Variants in PDE4D observed in about 807,000 individuals in gnomAD.
PDE4D encodes the protein 3',5'-cyclic-AMP phosphodiesterase 4D.
PDE4D carries 24 observed loss-of-function variants against 87.4 expected under a neutral mutation model. The observed-to-expected ratio is 0.27, with a 90% CI of 0.20 to 0.39. PDE4D has a LOEUF of 0.39. Among genes scored for constraint, PDE4D ranks in the 10% least tolerant of loss-of-function variants. The pLI is 1.00. For missense variants in PDE4D, 714 were observed against 1,041.0 expected, an observed-to-expected ratio of 0.69 and a Z score of 4.32; for synonymous variants, 384 against 383.2, an observed-to-expected ratio of 1.00 and a Z score of -0.02.
chr5:59,135,334 C>G (rs1776887219), intron 5 of PDE4D, among the ~76,000 whole-genome samples: 1 of 152,202 alleles, frequency 6.6e-6, no homozygotes, highest in Non-Finnish European at 1.5e-5. Flanking sequence ...GTAGCAAAAG[C>G]TGTTTTCTCT....
At position 59,800,838 on chromosome 5, in the gene PDE4D, C is replaced by G. The variant is rs565691048; in HGVS notation, c.455+92330G>C. Among the ~76,000 whole-genome samples, 7 of 152,260 alleles carry G rather than the reference C, an allele frequency of 4.6e-5. No individual in the cohort carries two copies. The South Asian group carries it at 8.3e-4, about 18-fold the overall frequency. On this transcript the variant is annotated intron_variant, in intron 1 of 14. Coordinates refer to ENST00000340635, the MANE Select transcript of PDE4D (RefSeq NM_001104631.2). ...ATATGTAAATTGTTGCTCTTCCAGT[C>G]TCCCTGGGTTTAGGGGAAAATAGAA...
chr5:59,900,617 T>C (rs202010623), intron 3 of PDE4D, among the ~76,000 whole-genome samples: 6 of 152,326 alleles, frequency 3.9e-5, no homozygotes, highest in East Asian at 3.9e-4. Context: ...GAAGATGTCA[T>C]AGAACTTTCA....
intron 1 of PDE4D, among the ~76,000 whole-genome samples, chr5:60,353,476 G>A (rs138933019): frequency 6.6e-5 from 10 of 152,346 alleles, no homozygotes; most frequent in African/African-American, 2.4e-4. Flanking sequence ...CTGCATGGTA[G>A]ATGAAATAGC....
In PDE4D at chr5:60,200,026, C is replaced by T. The variant is rs111355699; in HGVS notation, c.-89-14339G>A. On this transcript the variant is annotated intron_variant, in intron 1 of 16. Coordinates refer to the PDE4D transcript ENST00000502484. ...GACAGACACCAAATCATCCCAAGAGCACTCAATTGGAAAATGGCACATGAA... is the reference window on the plus strand; with the variant it reads ...GACAGACACCAAATCATCCCAAGAGTACTCAATTGGAAAATGGCACATGAA... 4.4e-4 allele frequency among the ~76,000 whole-genome samples: 66 copies of T among 151,680 alleles called. 4 individuals carry two copies. Among genetic ancestry groups the T allele is most frequent in the African/African-American group, 1.5e-3 (63 of 41,484 alleles).
At chr5:59,388,636 C>G (rs987038935) in intron 1 of PDE4D, among the ~76,000 whole-genome samples, 2 of 151,672 alleles carry the variant, frequency 1.3e-5, no homozygotes, top group Non-Finnish European at 2.9e-5. Context: ...TACACACACA[C>G]ACACACACAC....
upstream of PDE4D, chr5:60,489,577 G>A (rs1229496325): frequency 2.6e-5 from 4 of 152,166 alleles, no homozygotes; most frequent in African/African-American, 9.6e-5. Flanking sequence ...TCTTTGAATT[G>A]TCCAATCTGT....
chr5:60,079,080 T>C (rs1773637227), intron 2 of PDE4D, among the ~76,000 whole-genome samples: 2 of 152,190 alleles, frequency 1.3e-5, no homozygotes, highest in African/African-American at 4.8e-5. Flanking sequence ...ATTGTCGTTC[T>C]GATTGGCATG....
chr5:59,244,783 G>GTATATA (rs147057388), intron 1 of PDE4D, among the ~76,000 whole-genome samples: 3 of 136,762 alleles, frequency 2.2e-5, no homozygotes, highest in Admixed American at 7.4e-5. Flanking sequence ...CCATAAAAAT[G>GTATATA]TATATATATA....
rs184871167 is a variant in PDE4D at position 59,304,064 on chromosome 5, T to C, written c.456-88096A>G. 1.2e-3 allele frequency among the ~76,000 whole-genome samples: 176 copies of C among 152,262 alleles called. 1 individual carries two copies. The highest frequency in any genetic ancestry group is 0.01 in the Middle Eastern group (3 of 294). On this transcript the variant is annotated intron_variant, in intron 1 of 14. Coordinates refer to ENST00000340635, the MANE Select transcript of PDE4D (RefSeq NM_001104631.2). ...ATTTGTTTGTATTGTCTATGATTCC[T>C]TTCAGCAGTGTTTTGTAGTTTTCCT...
chr5:59,858,974 C>A (rs1287726513), intron 1 of PDE4D, among the ~76,000 whole-genome samples: 2 of 152,282 alleles, frequency 1.3e-5, no homozygotes, highest in Non-Finnish European at 1.5e-5. Context: ...ACAAACACTG[C>A]ACAAGTACTG....
At chr5:59,115,540 T>C (rs1374921428) in intron 5 of PDE4D, among the ~76,000 whole-genome samples, 1 of 152,194 alleles carries the variant, frequency 6.6e-6, no homozygotes, top group Non-Finnish European at 1.5e-5. Context: ...ATCACTAAAA[T>C]ATGAACATAC....
chr5:59,289,161 A>G (rs1329324429), intron 1 of PDE4D, among the ~76,000 whole-genome samples: 1 of 152,114 alleles, frequency 6.6e-6, no homozygotes, highest in Non-Finnish European at 1.5e-5. Context: ...AGACAATACA[A>G]TAAGATATAA....
intron 1 of PDE4D, among the ~76,000 whole-genome samples, chr5:59,231,076 A>G (rs1442305274): frequency 6.6e-6 from 1 of 152,214 alleles, no homozygotes; most frequent in Non-Finnish European, 1.5e-5. Flanking sequence ...TATTGGGTGA[A>G]TTATGTATGG....
rs546991113 is a variant in PDE4D, at chr5:59,127,799, A to G, written c.808+52796T>C. 1.6e-4 allele frequency among the ~76,000 whole-genome samples: 24 copies of G among 152,008 alleles called. 1 individual carries two copies. In the South Asian group the frequency reaches 3.8e-3, roughly 24 times the overall value. On this transcript the variant is annotated intron_variant, in intron 5 of 14. Coordinates refer to ENST00000340635, the MANE Select transcript of PDE4D (RefSeq NM_001104631.2). ...GTCCTCAGAGGCTCCTCTTATTCAC[A>G]GTGCCTGGGCTCTCAGCAAAATGTG...
At chr5:60,150,751 G>T (rs1230347928) in intron 2 of PDE4D, among the ~76,000 whole-genome samples, 1 of 152,122 alleles carries the variant, frequency 6.6e-6, no homozygotes, top group African/African-American at 2.4e-5. Context: ...AGAAGACTTG[G>T]CCTCAATAAT....
chr5:59,242,494 G>A (rs1225838119), intron 1 of PDE4D, among the ~76,000 whole-genome samples: 1 of 152,094 alleles, frequency 6.6e-6, no homozygotes, highest in Non-Finnish European at 1.5e-5. Context: ...AGAAAAATAA[G>A]GGAAATATTT....
intron 1 of PDE4D, among the ~76,000 whole-genome samples, chr5:60,187,424 G>A (rs544391870): frequency 5.3e-5 from 8 of 152,220 alleles, no homozygotes; most frequent in East Asian, 1.9e-4. Context: ...GATAACAGCC[G>A]TAGGAAACAT....
chr5:59,422,657 A>G (rs1794647508), intron 1 of PDE4D, among the ~76,000 whole-genome samples: 1 of 152,216 alleles, frequency 6.6e-6, no homozygotes, highest in African/African-American at 2.4e-5. Flanking sequence ...TTGGATATAG[A>G]AATGGGACTA....
At chr5:59,400,920 G>A (rs1349939964) in intron 1 of PDE4D, among the ~76,000 whole-genome samples, 1 of 152,078 alleles carries the variant, frequency 6.6e-6, no homozygotes, top group African/African-American at 2.4e-5. Context: ...AAATATGCAT[G>A]TATGCATATA....
Sources: allele counts gnomAD v4.1 joint callset (sites outside exome capture counted in the v4.1 genomes callset), GRCh38; gene constraint gnomAD v4.1.1; transcripts MANE v1.5; gene names NCBI Gene and HGNC (gene_info 2026-07-23, HGNC 2026-07-21).